The following SLC8B1 variants were observed in gnomAD, a reference collection of about 807,000 sequenced individuals.
The protein encoded by SLC8B1 is mitochondrial sodium/calcium exchanger protein.
Under a neutral mutation model 63.4 loss-of-function variants are expected in SLC8B1, and 52 were observed. That is an observed-to-expected ratio of 0.82 (90% CI 0.66 to 1.03). The LOEUF (loss-of-function observed/expected upper bound fraction) is 1.03. Among genes scored for constraint, SLC8B1 ranks in the 50% least tolerant of loss-of-function variants. The probability of loss-of-function intolerance (pLI) is 0.00; values close to 1 mark genes in which losing one functional copy is unlikely to be tolerated. For missense variants in SLC8B1, 657 were observed against 741.7 expected (o/e 0.89, Z 1.33); for synonymous variants, 336 against 323.9 (o/e 1.04, Z -0.40).
chr12:113,309,617 G>A (rs530906860), intron 12 of SLC8B1, among the ~76,000 whole-genome samples: 24 of 152,266 alleles, frequency 1.6e-4, no homozygotes, highest in African/African-American at 5.1e-4. Context: ...TTAGCTGGGC[G>A]TGGTGGCTTG....
chr12:113,306,444 C>A, intron 14 of SLC8B1, 51 bp downstream of exon 14: 1 of 1,489,914 alleles, frequency 6.7e-7, no homozygotes, highest in African/African-American at 1.4e-5. Context: ...GCACACCCCA[C>A]CCACGGCTGT....
intron 15 of SLC8B1, among the ~76,000 whole-genome samples, chr12:113,303,005 ACGCG>A (rs1956612643): frequency 6.8e-6 from 1 of 147,702 alleles, no homozygotes; most frequent in Non-Finnish European, 1.5e-5. Flanking sequence ...TGGTAGACAC[ACGCG>A]CACACACACA....
In SLC8B1 at chr12:113,324,726, CAG is replaced by C. The variant is rs1335074140; in HGVS notation, c.157-3380_157-3379del. Among the ~76,000 whole-genome samples the C allele has an allele frequency of 4.0e-5, 6 of 150,302 alleles. 1 individual carries two copies. The highest frequency in any genetic ancestry group is 2.4e-5 in the African/African-American group (1 of 40,858). The stretch of plus-strand genomic sequence containing the variant: ...CCAGCCCCTTTTTTTTCCTTTGAGA[CAG>C]AGTCTCACTCTGTCGCCTAGGCTGG... On this transcript the variant is annotated intron_variant, in intron 2 of 15. Transcript: ENST00000680972.
intron 2 of SLC8B1, among the ~76,000 whole-genome samples, chr12:113,332,309 C>T (rs1566248098): frequency 6.6e-6 from 1 of 152,180 alleles, no homozygotes; most frequent in Admixed American, 6.5e-5. Flanking sequence ...TCTTGCTTCG[C>T]CGCCCAGGCT....
Position 113,299,764 on chromosome 12 carries a change from T to G in SLC8B1, c.*13A>C, listed in dbSNP as rs111741034. On this transcript the variant is annotated 3_prime_UTR_variant, in exon 16 of 16. Coordinates refer to ENST00000680972, the MANE Select transcript of SLC8B1 (RefSeq NM_001358345.2). ...CCTGCCTGCAGTGAGGCCACAGCAC[T>G]AAGCGGCTTCAGTCACATGCTTTTC... The G allele has an allele frequency of 6.2e-7, 1 of 1,613,556 alleles. No homozygotes were observed. Among genetic ancestry groups the G allele is most frequent in the Non-Finnish European group, 8.5e-7 (1 of 1,179,886 alleles).
chr12:113,333,672 T>C (rs903564115), intron 1 of SLC8B1, among the ~76,000 whole-genome samples: 1 of 146,910 alleles, frequency 6.8e-6, no homozygotes, highest in Non-Finnish European at 1.5e-5. Flanking sequence ...CACCCCACCC[T>C]GCACAGCAGG....
chr12:113,320,400 A>G lies in SLC8B1; in HGVS notation c.625T>C (p.Tyr209His). ...AAGGTCAGGAACACAGCCACCATGT[A>G]GAAAACGATGTCCCTGAAGAAGGGC... ...SRPFFRDIVF[Y>H]MVAVFLTFLM... Residue 209 changes from tyrosine (Y) to histidine (H), a missense_variant, in exon 7 of 16, where the codon TAC (tyrosine) becomes CAC (histidine). Transcript: ENST00000680972. This position sits in a 1 kb window ranked among gnomAD's most constrained non-coding sequence, Gnocchi z 5.3. 1 of 1,614,180 alleles carries G rather than the reference A, an allele frequency of 6.2e-7. No individual in the cohort carries two copies. Among genetic ancestry groups the G allele is most frequent in the Non-Finnish European group, 8.5e-7 (1 of 1,180,028 alleles).
Position 113,320,773 on chromosome 12 carries a change from G to C in SLC8B1, c.420+77C>G. On this transcript the variant is annotated intron_variant, in intron 5 of 15. Transcript: ENST00000680972. The surrounding 1 kb of genome is among the most constrained non-coding windows in gnomAD (Gnocchi z 5.3). The stretch of plus-strand genomic sequence containing the variant: ...CTATCCCCCAGCTTCCCCACACGGG[G>C]ATAGACATGACCCTATCTCCCAGCC... 1 of 1,576,522 alleles carries C rather than the reference G, an allele frequency of 6.3e-7. No individual in the cohort carries two copies. Among genetic ancestry groups the C allele is most frequent in the Non-Finnish European group, 8.6e-7 (1 of 1,160,618 alleles).
At chr12:113,316,225 CAAA>C (rs565941837) in intron 10 of SLC8B1, among the ~76,000 whole-genome samples, 1 of 130,952 alleles carries the variant, frequency 7.6e-6, no homozygotes, top group African/African-American at 2.8e-5. Context: ...AACTCTGTCT[CAAA>C]AAAAAAAAAA....
At chr12:113,303,147 G>GCGCC (rs1355694301) in intron 15 of SLC8B1, among the ~76,000 whole-genome samples, 1 of 126,868 alleles carries the variant, frequency 7.9e-6, no homozygotes, top group African/African-American at 3.6e-5. Flanking sequence ...ACACACGCGC[G>GCGCC]CGCACAGGAG....
At chr12:113,324,109 T>A (rs1425315625) in intron 2 of SLC8B1, among the ~76,000 whole-genome samples, 2 of 152,026 alleles carry the variant, frequency 1.3e-5, no homozygotes, top group Non-Finnish European at 2.9e-5. Context: ...CCCAGGAGTT[T>A]GAGACCAACT....
Position 113,308,210 on chromosome 12 carries a change from G to A in SLC8B1, c.1258-366C>T, listed in dbSNP as rs993421671. On this transcript the variant is annotated intron_variant, in intron 12 of 15. Coordinates refer to ENST00000680972, the MANE Select transcript of SLC8B1 (RefSeq NM_001358345.2). The stretch of plus-strand genomic sequence containing the variant: ...AAAAATACAAAAATTAGTCAGGCTG[G>A]TGTCACACACCTGTAATCCCAGCTA... 5 of 209,636 alleles carry A rather than the reference G, an allele frequency of 2.4e-5. No homozygotes were observed. The East Asian group carries it at 7.5e-4, about 32-fold the overall frequency. 13.0% of individuals were successfully genotyped at this position (209,636 alleles called of 1,614,324 possible). A position where few individuals can be genotyped will look rare whatever the true frequency, so the allele number is the denominator to read the frequency against.
Position 113,320,662 on chromosome 12 carries a change from T to G in SLC8B1, c.445A>C (p.Asn149His), listed in dbSNP as rs1383830854. 2 of 1,613,838 alleles carry G rather than the reference T, an allele frequency of 1.2e-6. No individual in the cohort carries two copies. The highest frequency in any genetic ancestry group is 2.7e-5 in the African/African-American group (2 of 74,916). The change falls in exon 6 of 16, where the codon AAT (asparagine) becomes CAT (histidine). Residue 149 changes from asparagine (N) to histidine (H), a missense_variant. Transcript: ENST00000680972. This position sits in a 1 kb window ranked among gnomAD's most constrained non-coding sequence, Gnocchi z 5.3. ...VAGVTFLAFG[N>H]GAPDIFSALV... is the part of the protein sequence containing the mutation. ...GCACTGAAGATGTCAGGTGCACCAT[T>G]CCCAAATGCCAGGAAGGTGACGCCA...
chr12:113,300,910 C>T (rs1197777158), intron 15 of SLC8B1, among the ~76,000 whole-genome samples: 1 of 152,172 alleles, frequency 6.6e-6, no homozygotes, highest in Non-Finnish European at 1.5e-5. Context: ...CCAAAGCGGG[C>T]AGATCACTTG....
At chr12:113,321,788 A>ATC (rs1274017704) in intron 2 of SLC8B1, among the ~76,000 whole-genome samples, 2 of 150,592 alleles carry the variant, frequency 1.3e-5, no homozygotes, top group African/African-American at 4.9e-5. Context: ...CATTATATAT[A>ATC]TATATATATT....
At chr12:113,308,627 A>G (rs1193055836) in intron 12 of SLC8B1, 1 of 152,150 alleles carries the variant, frequency 6.6e-6, no homozygotes, top group Non-Finnish European at 1.5e-5. Context: ...CCTCTGCTAC[A>G]GTCTTCTCTC....
chr12:113,316,722 G>T, intron 9 of SLC8B1, 66 bp from the exon 10 acceptor site: 5 of 1,589,590 alleles, frequency 3.1e-6, no homozygotes, highest in Non-Finnish European at 4.3e-6. Context: ...AACCTTCCCC[G>T]CTCCATCCCA....
At position 113,319,015 on chromosome 12, in the gene SLC8B1, A is replaced by T; in HGVS notation, c.751T>A (p.Tyr251Asn). Residue 251 changes from tyrosine to asparagine, a missense_variant, in exon 8 of 16, where the codon TAC becomes AAC. Tyr to Asn is a moderately radical substitution (Grantham distance 143, BLOSUM62 -2). Transcript: ENST00000680972. ...VVTVILCTWI[Y>N]QRQRRGSLFC... Reference sequence around the variant, plus strand: ...AGAGATCCTCTCCGTTGCCGTTGGTAGATCCAGGTGCAGAGAATCACAGTG... The same window carrying T: ...AGAGATCCTCTCCGTTGCCGTTGGTTGATCCAGGTGCAGAGAATCACAGTG... The T allele has an allele frequency of 6.2e-7, 1 of 1,614,068 alleles. No individual in the cohort carries two copies. Among genetic ancestry groups the T allele is most frequent in the African/African-American group, 1.3e-5 (1 of 75,006 alleles).
chr12:113,332,777 A>T lies in SLC8B1; in HGVS notation c.102T>A (p.Ala34=). ...AAGCTGGAAACTGGGGGCTAATGTG[A>T]GCTCCTGTAGACGAGCCCCTAGTCC... The part of the protein sequence containing the change: ...VSGTRGSSTG[A]HISPQFPASG... The change falls in exon 2 of 16, where the codon GCT becomes GCA. Residue 34 remains alanine (A), a synonymous_variant. Transcript: ENST00000680972. 1 of 1,614,118 alleles carries T rather than the reference A, an allele frequency of 6.2e-7. No homozygotes were observed. The highest frequency in any genetic ancestry group is 8.5e-7 in the Non-Finnish European group (1 of 1,180,010).
Sources: gnomAD v4.1 joint callset for allele counts (sites outside exome capture counted in the v4.1 genomes callset) on GRCh38, gnomAD v4.1.1 for gene constraint, Gnocchi (gnomAD v3.1) non-coding constraint, MANE v1.5 for transcripts, NCBI Gene and HGNC (gene_info 2026-07-23, HGNC 2026-07-21) for gene names.